Variants in BNIP3 observed in about 807,000 individuals in gnomAD.
The protein encoded by BNIP3 is BCL2 interacting protein 3, also known as BCL2/adenovirus E1B 19 kDa protein-interacting protein 3.
In BNIP3, 16 loss-of-function variants were observed where a neutral mutation model predicts 23.9. The observed-to-expected ratio is 0.67, with a 90% CI of 0.45 to 1.01. The LOEUF is 1.01. BNIP3 is among the 50% of genes least tolerant of loss of function. BNIP3 has a pLI of 0.00. For synonymous variants in BNIP3, 81 were observed against 89.3 expected (o/e 0.91, Z 0.53); for missense variants, 198 against 248.7 (o/e 0.80, Z 1.37).
At chr10:131,981,459 G>C in intron 1 of BNIP3, 1 of 409,036 alleles carries the variant, frequency 2.4e-6, no homozygotes, top group Non-Finnish European at 4.3e-6. Flanking sequence ...TCACCTCCAG[G>C]TGGAATTCTA....
chr10:131,981,431 C>A (rs1000581616), intron 1 of BNIP3: 17 of 388,426 alleles, frequency 4.4e-5, no homozygotes, highest in African/African-American at 3.1e-4. Flanking sequence ...CTGTTCGGTC[C>A]AACTGCGAGA....
At chr10:131,973,560 G>A in intron 2 of BNIP3, 1 of 569,908 alleles carries the variant, frequency 1.8e-6, no homozygotes, top group Non-Finnish European at 3.1e-6. Context: ...CTGTTCCGCT[G>A]CCTACTGATG....
rs1321415350 is a variant in BNIP3 at position 131,976,739 on chromosome 10, A to C, written c.47-2796T>G. Among the ~76,000 whole-genome samples, 6 of 151,574 alleles carry C rather than the reference A, an allele frequency of 4.0e-5. No individual in the cohort carries two copies. Among genetic ancestry groups the C allele is most frequent in the Non-Finnish European group, 7.4e-5 (5 of 67,814 alleles). ...TCCATCTCCAGTCCCCTCCCCTCCT[A>C]GGAGGGGCTGCCCTGGGAATTTCTA... On this transcript the variant is annotated intron_variant, in intron 1 of 5. Coordinates refer to ENST00000368636, the MANE Select transcript of BNIP3 (RefSeq NM_004052.4). This position sits in a 1 kb window ranked among gnomAD's most constrained non-coding sequence, Gnocchi z 4.3.
chr10:131,981,917 C>G lies in BNIP3; in HGVS notation c.-111G>C, dbSNP rs2037123006. 3 of 1,255,282 alleles carry G rather than the reference C, an allele frequency of 2.4e-6. No homozygotes were observed. Among genetic ancestry groups the G allele is most frequent in the African/African-American group, 3.1e-5 (2 of 63,546 alleles). 77.8% of individuals were successfully genotyped at this position (1,255,282 alleles called of 1,614,324 possible). ...GGAGCGCCGCGGCCCAGCTGCGCTC[C>G]CGGACTGAGCGGAGCCCCGCAGCCC... On this transcript the variant is annotated 5_prime_UTR_variant, in exon 1 of 6. Coordinates refer to ENST00000368636, the MANE Select transcript of BNIP3 (RefSeq NM_004052.4).
At chr10:131,973,182 C>A in intron 2 of BNIP3, 64 bp from the exon 3 acceptor site, 2 of 1,552,484 alleles carry the variant, frequency 1.3e-6, no homozygotes, top group South Asian at 1.1e-5. Flanking sequence ...ATTAGAAGCT[C>A]AAACCCCAAA....
Position 131,971,042 on chromosome 10 carries a change from C to T in BNIP3, c.283-72G>A, listed in dbSNP as rs909917201. ...CACGGGAAAGCACCCAGCTCCCACC[C>T]GAGCTTCAGATCCGCAGGCTCAATT... is the stretch of plus-strand genomic sequence containing the variant. On this transcript the variant is annotated intron_variant, in intron 3 of 5. Coordinates refer to ENST00000368636, the MANE Select transcript of BNIP3 (RefSeq NM_004052.4). The T allele has an allele frequency of 5.8e-6, 8 of 1,386,584 alleles. No individual in the cohort carries two copies. In the African/African-American group the frequency reaches 7.1e-5, roughly 12 times the overall value. The allele number at this position is 1,386,584 out of a possible 1,614,324, so 85.9% of individuals were successfully genotyped here.
chr10:131,975,353 C>T (rs2037071873), intron 1 of BNIP3, among the ~76,000 whole-genome samples: 1 of 152,200 alleles, frequency 6.6e-6, no homozygotes, highest in Non-Finnish European at 1.5e-5. Context: ...GTAGGAGCTT[C>T]CTCTGGTAGC....
At chr10:131,979,065 TCCTCCAGGAC>T (rs1404675009) in intron 1 of BNIP3, among the ~76,000 whole-genome samples, 1 of 151,570 alleles carries the variant, frequency 6.6e-6, no homozygotes, top group Non-Finnish European at 1.5e-5. Context: ...TGGCCTCCTC[TCCTCCAGGAC>T]CCTCCAGGGC....
chr10:131,971,690 A>G (rs1459286064), intron 3 of BNIP3, among the ~76,000 whole-genome samples: 1 of 152,238 alleles, frequency 6.6e-6, no homozygotes, highest in Non-Finnish European at 1.5e-5. Flanking sequence ...ACTCAAGAAT[A>G]TAGCTCCCCA....
rs1371840543 is a variant in BNIP3 at position 131,976,601 on chromosome 10, C to A, written c.47-2658G>T. ...ATACAGCCCAGATCCCCACCTACCCCACACGTCCCAACCCTAACCCCAACC... is the reference window on the plus strand; with the variant it reads ...ATACAGCCCAGATCCCCACCTACCCAACACGTCCCAACCCTAACCCCAACC... On this transcript the variant is annotated intron_variant, in intron 1 of 5. Transcript: ENST00000368636. The surrounding 1 kb of genome is among the most constrained non-coding windows in gnomAD (Gnocchi z 4.3). 1.3e-5 allele frequency among the ~76,000 whole-genome samples: 2 copies of A among 152,132 alleles called. No individual in the cohort carries two copies. The highest frequency in any genetic ancestry group is 1.5e-5 in the Non-Finnish European group (1 of 68,022).
In BNIP3 at chr10:131,981,886, G is replaced by C; in HGVS notation, c.-80C>G. 2 of 1,365,846 alleles carry C rather than the reference G, an allele frequency of 1.5e-6. No individual in the cohort carries two copies. The highest frequency in any genetic ancestry group is 9.4e-7 in the Non-Finnish European group (1 of 1,063,334). 84.6% of individuals were successfully genotyped at this position (1,365,846 alleles called of 1,614,324 possible). A position where few individuals can be genotyped will look rare whatever the true frequency, so the allele number is the denominator to read the frequency against. ...TTCAGCTGCGGGCGGTGGGAAAGCG[G>C]AGGTCGGAGCGCCGCGGCCCAGCTG... On this transcript the variant is annotated 5_prime_UTR_variant, in exon 1 of 6. Transcript: ENST00000368636.
chr10:131,980,745 A>T (rs2037113094), intron 1 of BNIP3: 1 of 152,214 alleles, frequency 6.6e-6, no homozygotes, highest in South Asian at 2.1e-4. Context: ...AAAACTCTCA[A>T]TGAAGATTAA....
chr10:131,978,698 G>C (rs1196129936), intron 1 of BNIP3, among the ~76,000 whole-genome samples: 1 of 152,286 alleles, frequency 6.6e-6, no homozygotes, highest in East Asian at 1.9e-4. Flanking sequence ...AGCCCACTCT[G>C]AAAGTGACTA....
intron 3 of BNIP3, chr10:131,971,463 T>A (rs958930563): frequency 1.9e-5 from 3 of 159,918 alleles, no homozygotes; most frequent in African/African-American, 4.8e-5. Flanking sequence ...AATGTCCACA[T>A]AACCACAGCT....
chr10:131,972,810 C>CA (rs1414104093), intron 3 of BNIP3, among the ~76,000 whole-genome samples: 1 of 152,208 alleles, frequency 6.6e-6, no homozygotes, highest in African/African-American at 2.4e-5. Context: ...CTGCCTGTCC[C>CA]ACTCGGCGCC....
At chr10:131,977,744 T>TA (rs1564836075) in intron 1 of BNIP3, among the ~76,000 whole-genome samples, 1 of 152,134 alleles carries the variant, frequency 6.6e-6, no homozygotes, top group Non-Finnish European at 1.5e-5. Flanking sequence ...CAGTGCTTTT[T>TA]AAACATCACC....
In BNIP3 at chr10:131,973,861, C is replaced by T. The variant is rs757463881; in HGVS notation, c.129G>A (p.Met43Ile). ...GCTGTGCGTCCAGCAGTATTTTTTC[C>T]ATGTCTCCATTATAAATAGAAACCG... is the stretch of plus-strand genomic sequence containing the variant. Reference protein sequence around the residue: ...PASVSIYNGDMEKILLDAQHE... With the variant: ...PASVSIYNGDIEKILLDAQHE... The change falls in exon 2 of 6, where the codon ATG (methionine) becomes ATA (isoleucine). Residue 43 changes from methionine (M) to isoleucine (I), a missense_variant. Coordinates refer to ENST00000368636, the MANE Select transcript of BNIP3 (RefSeq NM_004052.4). The T allele has an allele frequency of 1.9e-6, 3 of 1,612,976 alleles. No homozygotes were observed. The highest frequency in any genetic ancestry group is 8.5e-7 in the Non-Finnish European group (1 of 1,180,048).
At chr10:131,977,432 C>T (rs1296610507) in intron 1 of BNIP3, among the ~76,000 whole-genome samples, 1 of 152,234 alleles carries the variant, frequency 6.6e-6, no homozygotes, top group Non-Finnish European at 1.5e-5. Context: ...AAGTGTATCT[C>T]TGTCATCCTC....
At chr10:131,971,378 T>C (rs1466164097) in intron 3 of BNIP3, 1 of 233,410 alleles carries the variant, frequency 4.3e-6, no homozygotes, top group African/African-American at 2.3e-5. Flanking sequence ...AACAGGGACA[T>C]GACGAAGGAA....
Sources: gnomAD v4.1 joint callset for allele counts (sites outside exome capture counted in the v4.1 genomes callset) on GRCh38, gnomAD v4.1.1 for gene constraint, Gnocchi (gnomAD v3.1) non-coding constraint, MANE v1.5 for transcripts, NCBI Gene and HGNC (gene_info 2026-07-23, HGNC 2026-07-21) for gene names.